Variants in GHR observed in about 807,000 individuals in gnomAD.
GHR encodes the protein growth hormone receptor.
In GHR, 35 loss-of-function variants were observed where a neutral mutation model predicts 67.1. The ratio of observed to expected loss-of-function variants is 0.52; its 90% CI spans 0.40 to 0.69. GHR has a LOEUF of 0.69. Ranked by LOEUF, GHR falls within the 30% of genes least tolerant of loss-of-function variation. The pLI is 0.00. For synonymous variants in GHR, 272 were observed against 269.1 expected, an observed-to-expected ratio of 1.01 and a Z score of -0.10; for missense variants, 792 against 764.6, an observed-to-expected ratio of 1.04 and a Z score of -0.42.
chr5:42,611,934 A>G (rs1452449696), intron 2 of GHR, among the ~76,000 whole-genome samples: 1 of 152,144 alleles, frequency 6.6e-6, no homozygotes, highest in Non-Finnish European at 1.5e-5. Flanking sequence ...AGTTCATACT[A>G]TATACTAAAT....
chr5:42,508,078 A>G (rs1482299511), intron 1 of GHR, among the ~76,000 whole-genome samples: 1 of 152,222 alleles, frequency 6.6e-6, no homozygotes, highest in African/African-American at 2.4e-5. Flanking sequence ...GGAATCCAGG[A>G]CCTTGACCTC....
intron 1 of GHR, among the ~76,000 whole-genome samples, chr5:42,473,157 G>A (rs555862642): frequency 2.6e-5 from 4 of 152,276 alleles, no homozygotes; most frequent in Middle Eastern, 3.4e-3. Context: ...CCCTAACTGG[G>A]TGAATTCATG....
At chr5:42,519,441 C>T (rs1448818666) in intron 1 of GHR, among the ~76,000 whole-genome samples, 3 of 152,126 alleles carry the variant, frequency 2.0e-5, no homozygotes, top group Non-Finnish European at 4.4e-5. Flanking sequence ...AAATTTAAGT[C>T]TCTCAGTATT....
chr5:42,548,013 C>A (rs1242492471), intron 1 of GHR: 1 of 818,946 alleles, frequency 1.2e-6, no homozygotes, highest in Non-Finnish European at 1.5e-6. Flanking sequence ...CCATCCAGAT[C>A]AGAGCCTTTG....
intron 1 of GHR, among the ~76,000 whole-genome samples, chr5:42,438,730 AC>A (rs1408502215): frequency 6.6e-6 from 1 of 151,942 alleles, no homozygotes; most frequent in East Asian, 1.9e-4. Flanking sequence ...TGGAATCTTG[AC>A]CCCCTAGTGA....
intron 1 of GHR, among the ~76,000 whole-genome samples, chr5:42,559,823 A>G (rs929467076): frequency 6.6e-6 from 1 of 152,218 alleles, no homozygotes; most frequent in African/African-American, 2.4e-5. Flanking sequence ...TCATCACCAT[A>G]AAAAGTTGGT....
intron 1 of GHR, among the ~76,000 whole-genome samples, chr5:42,502,429 G>T (rs1266839892): frequency 6.6e-6 from 1 of 152,150 alleles, no homozygotes; most frequent in Non-Finnish European, 1.5e-5. Flanking sequence ...TCTTATGTTT[G>T]TTTGCTCTTT....
intron 3 of GHR, among the ~76,000 whole-genome samples, chr5:42,657,302 TG>T (rs1300343012): frequency 2.6e-5 from 4 of 152,174 alleles, no homozygotes; most frequent in Non-Finnish European, 5.9e-5. Flanking sequence ...TAGGTCCAGG[TG>T]ACTGTTAAGG....
intron 5 of GHR, among the ~76,000 whole-genome samples, chr5:42,696,602 A>T (rs963229175): frequency 6.6e-6 from 1 of 152,194 alleles, no homozygotes; most frequent in African/African-American, 2.4e-5. Flanking sequence ...TAGTCCCAAC[A>T]TGTTCAGGGA....
At chr5:42,467,210 T>C (rs1744770017) in intron 1 of GHR, 1 of 1,536,934 alleles carries the variant, frequency 6.5e-7, no homozygotes, top group Non-Finnish European at 9.0e-7. Context: ...CCACATTCAC[T>C]GCAGTCATAA....
chr5:42,695,154 G>C, intron 5 of GHR, 65 bp downstream of exon 5: 1 of 1,092,462 alleles, frequency 9.2e-7, no homozygotes, highest in South Asian at 1.3e-5. Flanking sequence ...AAGCCTGCAA[G>C]GTCCAAGTAT....
chr5:42,585,322 A>C (rs1470813196), intron 2 of GHR, among the ~76,000 whole-genome samples: 1 of 152,220 alleles, frequency 6.6e-6, no homozygotes, highest in Non-Finnish European at 1.5e-5. Context: ...GACAAACACT[A>C]AACTGTTACA....
intron 2 of GHR, among the ~76,000 whole-genome samples, chr5:42,621,367 G>C (rs1753436515): frequency 6.6e-6 from 1 of 152,142 alleles, no homozygotes; most frequent in African/African-American, 2.4e-5. Flanking sequence ...GCTAGGGACT[G>C]CATTTGAAAA....
At chr5:42,470,062 G>A (rs960512797) in intron 1 of GHR, among the ~76,000 whole-genome samples, 24 of 145,106 alleles carry the variant, frequency 1.7e-4, no homozygotes, top group African/African-American at 5.0e-5. Context: ...TTAATAATGT[G>A]TGTATAAATA....
At position 42,558,965 on chromosome 5, in the gene GHR, A is replaced by G. The variant is rs114317037; in HGVS notation, c.-11-6899A>G. Reference sequence around the variant, plus strand: ...TCTTTTCTTCTTGTACTAAGCTTTCAATTCTGTGTATATTTTATACTTATA... The same window carrying G: ...TCTTTTCTTCTTGTACTAAGCTTTCGATTCTGTGTATATTTTATACTTATA... On this transcript the variant is annotated intron_variant, in intron 1 of 9. Transcript: ENST00000230882. Among the ~76,000 whole-genome samples the G allele has an allele frequency of 8.0e-3, 1,213 of 152,296 alleles. 5 individuals are homozygous for G. The highest frequency in any genetic ancestry group is 0.026 in the South Asian group (126 of 4,826).
chr5:42,673,099 C>A (rs1452145065), intron 3 of GHR, among the ~76,000 whole-genome samples: 2 of 152,052 alleles, frequency 1.3e-5, no homozygotes, highest in South Asian at 4.1e-4. Flanking sequence ...AATGGGCAAG[C>A]AGCATGAACA....
intron 2 of GHR, among the ~76,000 whole-genome samples, chr5:42,576,462 C>T (rs1254807359): frequency 6.6e-6 from 1 of 152,048 alleles, no homozygotes; most frequent in African/African-American, 2.4e-5. Context: ...TTGGAATTAC[C>T]AATAGGCTAA....
At position 42,719,788 on chromosome 5, in the gene GHR, C is replaced by A. The variant is rs34929920; in HGVS notation, c.*364C>A. The stretch of plus-strand genomic sequence containing the variant: ...AAGCGAAAAAATCAGGTGGCTTTTG[C>A]GGTTCAGGAAAATTGAATGCAAACC... On this transcript the variant is annotated 3_prime_UTR_variant, in exon 10 of 10. Transcript: ENST00000230882. 1 of 289,546 alleles carries A rather than the reference C, an allele frequency of 3.5e-6. No individual in the cohort carries two copies. Among genetic ancestry groups the A allele is most frequent in the Non-Finnish European group, 6.7e-6 (1 of 149,844 alleles). 17.9% of individuals were successfully genotyped at this position (289,546 alleles called of 1,614,324 possible). A position where few individuals can be genotyped will look rare whatever the true frequency, so the allele number is the denominator to read the frequency against.
chr5:42,563,682 C>T (rs1233571505), intron 1 of GHR, among the ~76,000 whole-genome samples: 1 of 149,410 alleles, frequency 6.7e-6, no homozygotes, highest in African/African-American at 2.5e-5. Flanking sequence ...GTGGTGCACA[C>T]CTATAGTCCC....
Sources: allele counts gnomAD v4.1 joint callset (sites outside exome capture counted in the v4.1 genomes callset), GRCh38; gene constraint gnomAD v4.1.1; transcripts MANE v1.5; gene names NCBI Gene and HGNC (gene_info 2026-07-23, HGNC 2026-07-21).